PLK2: variants seen among roughly 807,000 people sequenced by gnomAD.
PLK2 encodes serine/threonine-protein kinase PLK2.
A neutral mutation model predicts 78.1 loss-of-function variants in PLK2; 25 were observed. That is an observed-to-expected ratio of 0.32 (90% CI 0.23 to 0.45). The LOEUF (loss-of-function observed/expected upper bound fraction) is 0.45. Among genes scored for constraint, PLK2 ranks in the 20% least tolerant of loss-of-function variants. The pLI is 1.00. For missense variants in PLK2, 566 were observed against 840.2 expected (o/e 0.67, Z 4.04); for synonymous variants, 332 against 298.2 (o/e 1.11, Z -1.17).
At position 58,456,417 on chromosome 5, in the gene PLK2, T is replaced by C. The variant is rs1743604181; in HGVS notation, c.1254+75A>G. 4.3e-6 allele frequency: 4 copies of C among 929,872 alleles called. No individual in the cohort carries two copies. The Admixed American group carries it at 6.4e-5, about 15-fold the overall frequency. 57.6% of individuals were successfully genotyped at this position (929,872 alleles called of 1,614,324 possible). On this transcript the variant is annotated intron_variant, in intron 9 of 13. Coordinates refer to ENST00000274289, the MANE Select transcript of PLK2 (RefSeq NM_006622.4). ...TGACATATTTGAACCATGATAATCA[T>C]AGTCCAAGTGCTAATTAATAAAGAG... is the stretch of plus-strand genomic sequence containing the variant.
Position 58,457,289 on chromosome 5 carries a change from C to T in PLK2, c.900G>A (p.Pro300=), listed in dbSNP as rs17710502. The change falls in exon 7 of 14, where the codon CCG becomes CCA. Residue 300 remains proline, a synonymous_variant. Coordinates refer to ENST00000274289, the MANE Select transcript of PLK2 (RefSeq NM_006622.4). Reference sequence around the variant, plus strand: ...GCTTGGCAGGAGCCAGCAATGAGGACGGCATTGTATACCTTGCTTCCCTTA... The same window carrying T: ...GCTTGGCAGGAGCCAGCAATGAGGATGGCATTGTATACCTTGCTTCCCTTA... ...RCIREARYTM[P]SSLLAPAKHL... is the part of the protein sequence containing the mutation. The T allele has an allele frequency of 0.12, 198,793 of 1,612,584 alleles. 13,771 individuals are homozygous for T. Among genetic ancestry groups the T allele is most frequent in the Admixed American group, 0.22 (12,995 of 60,012 alleles).
chr5:58,457,212 T>C lies in PLK2; in HGVS notation c.977A>G (p.Asp326Gly). 1 of 1,614,166 alleles carries C rather than the reference T, an allele frequency of 6.2e-7. No homozygotes were observed. Among genetic ancestry groups the C allele is most frequent in the Non-Finnish European group, 8.5e-7 (1 of 1,180,028 alleles). ...SKNPEDRPSL[D>G]DIIRHDFFLQ... ...AAAAAAGTCATGTCGAATGATGTCA[T>C]CCAAACTGGGACGATCCTCTGGGTT... is the stretch of plus-strand genomic sequence containing the variant. Residue 326 changes from aspartate to glycine, a missense_variant, in exon 7 of 14, where the codon GAT becomes GGT. Transcript: ENST00000274289.
intron 10 of PLK2, 67 bp downstream of exon 10, chr5:58,455,959 A>C: frequency 6.5e-7 from 1 of 1,536,186 alleles, no homozygotes; most frequent in Non-Finnish European, 8.8e-7. Flanking sequence ...AATTGACTTA[A>C]ATTATTATGT....
At position 58,460,055 on chromosome 5, in the gene PLK2, G is replaced by T; in HGVS notation, c.-96C>A. 3.6e-6 allele frequency: 5 copies of T among 1,386,624 alleles called. No individual in the cohort carries two copies. Among genetic ancestry groups the T allele is most frequent in the East Asian group, 2.3e-5 (1 of 42,848 alleles). The allele number at this position is 1,386,624 out of a possible 1,614,324, so 85.9% of individuals were successfully genotyped here. A position where few individuals can be genotyped will look rare whatever the true frequency, so the allele number is the denominator to read the frequency against. ...TCCTCGCACCCTTGCCTCTGGTGCC[G>T]ACTAGCACCCAACACCCCGGTCCAC... On this transcript the variant is annotated 5_prime_UTR_variant, in exon 1 of 14. Coordinates refer to ENST00000274289, the MANE Select transcript of PLK2 (RefSeq NM_006622.4).
intron 5 of PLK2, 71 bp from the exon 6 acceptor site, chr5:58,457,654 C>G: frequency 1.2e-6 from 1 of 830,136 alleles, no homozygotes; most frequent in Non-Finnish European, 2.1e-6. Flanking sequence ...CTTGACATGA[C>G]TTGATGGGAG....
Position 58,456,497 on chromosome 5 carries a change from C to T in PLK2, c.1249G>A (p.Asp417Asn). 1 of 1,597,376 alleles carries T rather than the reference C, an allele frequency of 6.3e-7. No homozygotes were observed. ...TTTACTCTTTCCCAACACACCTCAT[C>T]TGTCCTGTGTTTGCTGGGTTGCTGA... ...ITQQPSKHRT[D>N]EELQPPTTTV... Residue 417 changes from aspartate (D) to asparagine (N), a missense_variant, in exon 9 of 14, where the codon GAT becomes AAT. This residue lies in a region of PLK2 where 129 missense variants were observed against 156.0 expected (regional missense o/e 0.83). Transcript: ENST00000274289.
At chr5:58,458,558 C>T in intron 3 of PLK2, 30 bp from the exon 4 acceptor site, 1 of 1,592,342 alleles carries the variant, frequency 6.3e-7, no homozygotes, top group African/African-American at 1.4e-5. Flanking sequence ...AAAAGAGAAT[C>T]TGTCAAAACA....
chr5:58,458,230 A>T (rs1743659815), intron 4 of PLK2, 59 bp from the exon 5 acceptor site: 2 of 1,347,292 alleles, frequency 1.5e-6, no homozygotes, highest in East Asian at 4.6e-5. Flanking sequence ...AACCAAGTAC[A>T]CACACATCCA....
chr5:58,454,681 T>C lies in PLK2; in HGVS notation c.1960A>G (p.Thr654Ala), dbSNP rs1021225818. Reference protein sequence around the residue: ...TYINEDRISTTFRLTTLLMSG... With the variant: ...TYINEDRISTAFRLTTLLMSG... The stretch of plus-strand genomic sequence containing the variant: ...ATCAGCAGAGTTGTCAGCCTGAAAG[T>C]TGTAGATATCCTATCCTCATTGATG... Residue 654 changes from threonine to alanine, a missense_variant, in exon 14 of 14, where the codon ACT becomes GCT. Around this residue, in one of 5 missense-constraint regions of PLK2, gnomAD observed 130 missense variants for 196.4 expected, o/e 0.66. Coordinates refer to ENST00000274289, the MANE Select transcript of PLK2 (RefSeq NM_006622.4). The C allele has an allele frequency of 9.9e-6, 16 of 1,613,648 alleles. No individual in the cohort carries two copies. Among genetic ancestry groups the C allele is most frequent in the African/African-American group, 9.3e-5 (7 of 74,922 alleles).
In PLK2 at chr5:58,457,030, T is replaced by G; in HGVS notation, c.1071A>C (p.Ser357=). Residue 357 remains serine, a synonymous_variant, in exon 8 of 14, where the codon TCA becomes TCC. Transcript: ENST00000274289. ...CCHTVPDFHL[S]SPAKNFFKKA... ...TCTTAAAGAAATTCTTAGCTGGGCT[T>G]GATAAGTGGAAATCTGGAACTGTAT... 6.2e-7 allele frequency: 1 copy of G among 1,613,690 alleles called. No individual in the cohort carries two copies. Among genetic ancestry groups the G allele is most frequent in the Non-Finnish European group, 8.5e-7 (1 of 1,179,664 alleles).
Position 58,459,718 on chromosome 5 carries a change from C to T in PLK2, c.242G>A (p.Arg81His). 1.3e-6 allele frequency: 2 copies of T among 1,599,510 alleles called. No homozygotes were observed. The highest frequency in any genetic ancestry group is 1.7e-6 in the Non-Finnish European group (2 of 1,173,736). The change falls in exon 1 of 14, where the codon CGC becomes CAC. Residue 81 changes from arginine (R) to histidine (H), a missense_variant. By Grantham distance (29) the Arg-to-His change is conservative. Transcript: ENST00000274289. ...TCCCAGCACTTTGCCCCGGCAGTAG[C>T]GCTTCCCAGTCGTGGGGTCGACGAT... ...RIIVDPTTGK[R>H]YCRGKVLGKG...
intron 1 of PLK2, 44 bp downstream of exon 1, chr5:58,459,646 A>T: frequency 6.7e-7 from 1 of 1,496,712 alleles, no homozygotes; most frequent in Non-Finnish European, 8.9e-7. Flanking sequence ...TCGCCCGGAC[A>T]GACCTCCCGC....
chr5:58,453,995 A>G lies in PLK2; in HGVS notation c.*588T>C, dbSNP rs538868805. 1 of 152,582 alleles carries G rather than the reference A, an allele frequency of 6.6e-6. No individual in the cohort carries two copies. Among genetic ancestry groups the G allele is most frequent in the Non-Finnish European group, 1.5e-5 (1 of 68,042 alleles). The allele number at this position is 152,582 out of a possible 1,614,324, so 9.5% of individuals were successfully genotyped here. ...AGGAGACCATTATTTCTGCGTTTTC[A>G]TACTCTTTATTGCCAACGGTTTAAA... On this transcript the variant is annotated 3_prime_UTR_variant, in exon 14 of 14. Coordinates refer to ENST00000274289, the MANE Select transcript of PLK2 (RefSeq NM_006622.4).
rs776760481 is a variant in PLK2 at position 58,458,535 on chromosome 5, A to C, written c.496-7T>G. ...TCAAAATATGAGCCATTGACTAAGA[A>C]GAGGAGAAGGAAAAAAGAGAATCTG... is the stretch of plus-strand genomic sequence containing the variant. On this transcript the variant is annotated splice_polypyrimidine_tract_variant and splice_region_variant and intron_variant, in intron 3 of 13. Transcript: ENST00000274289. 1 of 1,603,762 alleles carries C rather than the reference A, an allele frequency of 6.2e-7. No homozygotes were observed. The highest frequency in any genetic ancestry group is 1.7e-4 in the Middle Eastern group (1 of 5,974).
At chr5:58,456,730 G>T in intron 8 of PLK2, 141 bp from the exon 9 acceptor site, 1 of 658,622 alleles carries the variant, frequency 1.5e-6, no homozygotes, top group Non-Finnish European at 2.6e-6. Flanking sequence ...TTTGCCTTTA[G>T]CTGCAGCTAC....
chr5:58,455,452 A>T lies in PLK2; in HGVS notation c.1626-38T>A, dbSNP rs1173424419. 2.5e-6 allele frequency: 4 copies of T among 1,611,546 alleles called. No homozygotes were observed. The African/African-American group carries it at 4.0e-5, about 16-fold the overall frequency. On this transcript the variant is annotated intron_variant, in intron 11 of 13. Transcript: ENST00000274289. ...GAACGAAAGGGAGAGAAGAGGAAAA[A>T]AAAATAGAAGCAGTTAATCATTGTT...
rs770678414 is a variant in PLK2 at position 58,459,809 on chromosome 5, C to T, written c.151G>A (p.Val51Met). ...ESQPPQSQAQ[V>M]PPAAPHHHHH... ...TGGTGGTGAGGGGCCGCCGGGGGCACTTGCGCCTGGGACTGAGGTGGCTGC... is the reference window on the plus strand; with the variant it reads ...TGGTGGTGAGGGGCCGCCGGGGGCATTTGCGCCTGGGACTGAGGTGGCTGC... Residue 51 changes from valine (V) to methionine (M), a missense_variant, in exon 1 of 14, where the codon GTG (valine) becomes ATG (methionine). Coordinates refer to ENST00000274289, the MANE Select transcript of PLK2 (RefSeq NM_006622.4). 3.3e-5 allele frequency: 53 copies of T among 1,609,244 alleles called. No individual in the cohort carries two copies. The highest frequency in any genetic ancestry group is 4.5e-5 in the Non-Finnish European group (53 of 1,179,838).
In PLK2 at chr5:58,454,554, A is replaced by G; in HGVS notation, c.*29T>C. On this transcript the variant is annotated 3_prime_UTR_variant, in exon 14 of 14. Transcript: ENST00000274289. ...TGTAGATCTCACAGTGGAAAAGAGG[A>G]GTCCCATAGGGTCCATTCGAAAAGT... The G allele has an allele frequency of 6.9e-7, 1 of 1,449,208 alleles. No individual in the cohort carries two copies. The highest frequency in any genetic ancestry group is 2.3e-5 in the East Asian group (1 of 43,996). 89.8% of individuals were successfully genotyped at this position (1,449,208 alleles called of 1,614,324 possible). A position where few individuals can be genotyped will look rare whatever the true frequency, so the allele number is the denominator to read the frequency against.
intron 13 of PLK2, 51 bp from the exon 14 acceptor site, chr5:58,454,825 A>G: frequency 6.6e-7 from 1 of 1,511,220 alleles, no homozygotes; most frequent in Non-Finnish European, 9.2e-7. Flanking sequence ...CGAGAATTAG[A>G]AAAGTTCAGT....
Sources: gnomAD v4.1 joint callset for allele counts on GRCh38, gnomAD v4.1.1 for gene constraint, gnomAD v4.1.1 regional missense constraint, MANE v1.5 for transcripts, NCBI Gene and HGNC (gene_info 2026-07-23, HGNC 2026-07-21) for gene names.